The following DSCAML1 variants were observed in gnomAD, a reference collection of about 807,000 sequenced individuals.
DSCAML1 encodes the protein cell adhesion molecule DSCAML1.
In DSCAML1, 38 loss-of-function variants were observed where a neutral mutation model predicts 200.5. The ratio of observed to expected loss-of-function variants is 0.19; its 90% CI spans 0.15 to 0.25. The LOEUF (loss-of-function observed/expected upper bound fraction) is 0.25. Ranked by LOEUF, DSCAML1 falls within the 10% of genes least tolerant of loss-of-function variation. DSCAML1 has a pLI of 1.00. For synonymous variants in DSCAML1, 1,215 were observed against 1,165.0 expected (o/e 1.04, Z -0.87); for missense variants, 2,223 against 2,858.8 (o/e 0.78, Z 5.07).
At chr11:117,620,007 A>G (rs567427423) in intron 3 of DSCAML1, among the ~76,000 whole-genome samples, 12 of 152,270 alleles carry the variant, frequency 7.9e-5, no homozygotes, top group African/African-American at 2.6e-4. Flanking sequence ...GAGAAAAATT[A>G]GCTAATTTAA....
In DSCAML1 at chr11:117,588,865, C is replaced by T. The variant is rs376576721; in HGVS notation, c.512-56343G>A. Reference sequence around the variant, plus strand: ...TGCCTTCCTGCCCTTTTCTCTTCCTCTTCTTCCCCTTTCCCTTTCCCTCTG... The same window carrying T: ...TGCCTTCCTGCCCTTTTCTCTTCCTTTTCTTCCCCTTTCCCTTTCCCTCTG... On this transcript the variant is annotated intron_variant, in intron 3 of 32. Coordinates refer to ENST00000651296, the MANE Select transcript of DSCAML1 (RefSeq NM_020693.4). 1.4e-4 allele frequency among the ~76,000 whole-genome samples: 22 copies of T among 152,330 alleles called. No homozygotes were observed. The East Asian group carries it at 3.1e-3, about 21-fold the overall frequency.
At chr11:117,629,578 G>T (rs187281952) in intron 3 of DSCAML1, among the ~76,000 whole-genome samples, 10 of 150,234 alleles carry the variant, frequency 6.7e-5, no homozygotes, top group Non-Finnish European at 1.5e-4. Context: ...AACAGAAACT[G>T]CAAGTGGCAG....
chr11:117,535,219 A>G (rs947364255), intron 3 of DSCAML1, among the ~76,000 whole-genome samples: 1 of 152,210 alleles, frequency 6.6e-6, no homozygotes, highest in African/African-American at 2.4e-5. Flanking sequence ...CTCTCCTTGC[A>G]GTCAACTAAA....
chr11:117,605,004 G>A (rs1482857025), intron 3 of DSCAML1, among the ~76,000 whole-genome samples: 1 of 152,132 alleles, frequency 6.6e-6, no homozygotes, highest in Non-Finnish European at 1.5e-5. Context: ...GCCCATGGCA[G>A]CCAAAGAATA....
chr11:117,594,123 A>G (rs150148672), intron 3 of DSCAML1, among the ~76,000 whole-genome samples: 131 of 152,304 alleles, frequency 8.6e-4, no homozygotes, highest in African/African-American at 2.7e-3. Context: ...AAGGACAGAA[A>G]AAGGAAAGAG....
chr11:117,540,444 G>A (rs2050246505), intron 3 of DSCAML1, among the ~76,000 whole-genome samples: 1 of 152,164 alleles, frequency 6.6e-6, no homozygotes. Context: ...AAACCAGTGG[G>A]GGACTGCTGG....
intron 6 of DSCAML1, among the ~76,000 whole-genome samples, chr11:117,520,373 G>C (rs561599792): frequency 6.6e-6 from 1 of 152,330 alleles, no homozygotes; most frequent in South Asian, 2.1e-4. Flanking sequence ...ATGCTGGTGA[G>C]ACACAGAGCC....
intron 3 of DSCAML1, among the ~76,000 whole-genome samples, chr11:117,643,510 G>A (rs1801469536): frequency 2.0e-5 from 3 of 152,154 alleles, no homozygotes. Flanking sequence ...TTTTCTGGAG[G>A]GTGAGAGATT....
rs192396867 is a variant in DSCAML1 at position 117,570,942 on chromosome 11, C to T, written c.512-38420G>A. Among the ~76,000 whole-genome samples the T allele has an allele frequency of 5.3e-5, 8 of 152,358 alleles. No individual in the cohort carries two copies. In the East Asian group the frequency reaches 5.8e-4, roughly 11 times the overall value. ...CCAGCTCTCTGCCAGCCTGGCCCCA[C>T]GCCAGCTACAAGGCCAGCTTCCCAC... On this transcript the variant is annotated intron_variant, in intron 3 of 32. Transcript: ENST00000651296.
intron 3 of DSCAML1, among the ~76,000 whole-genome samples, chr11:117,747,160 C>G (rs190830217): frequency 1.0e-3 from 156 of 152,348 alleles, no homozygotes; most frequent in African/African-American, 3.6e-3. Flanking sequence ...ACCACCCCAG[C>G]CTTTATTGCT....
intron 3 of DSCAML1, among the ~76,000 whole-genome samples, chr11:117,557,281 CACTT>C (rs758162684): frequency 4.6e-5 from 7 of 152,132 alleles, no homozygotes; most frequent in Non-Finnish European, 7.4e-5. Context: ...AGGCTGAAAA[CACTT>C]AATACCAGTC....
intron 3 of DSCAML1, among the ~76,000 whole-genome samples, chr11:117,750,832 T>TCGAGCC (rs2054593817): frequency 6.6e-6 from 1 of 152,122 alleles, no homozygotes; most frequent in Admixed American, 6.5e-5. Context: ...ACCAGGACCA[T>TCGAGCC]CCAGCCCCAG....
intron 3 of DSCAML1, among the ~76,000 whole-genome samples, chr11:117,702,771 T>A (rs1487484032): frequency 1.3e-5 from 2 of 152,216 alleles, no homozygotes; most frequent in Admixed American, 1.3e-4. Flanking sequence ...TTAGCTTCAT[T>A]TCCAACTGTT....
At chr11:117,751,298 G>A (rs1355895252) in intron 3 of DSCAML1, among the ~76,000 whole-genome samples, 1 of 151,596 alleles carries the variant, frequency 6.6e-6, no homozygotes, top group Non-Finnish European at 1.5e-5. Flanking sequence ...ACCTTCTGCT[G>A]CATATGCTCC....
chr11:117,463,185 GGAATCAGAGATTTT>G lies in DSCAML1; in HGVS notation c.3266-1603_3266-1590del, dbSNP rs545684065. Among the ~76,000 whole-genome samples the G allele has an allele frequency of 2.7e-3, 412 of 152,278 alleles. No individual in the cohort carries two copies. Among genetic ancestry groups the G allele is most frequent in the Non-Finnish European group, 4.5e-3 (309 of 68,022 alleles). ...CACAAGGTGAAGCAGGAAGGCTATG[GGAATCAGAGATTTT>G]GATCCAGACTCTGTTGTTTTCTGGA... On this transcript the variant is annotated intron_variant, in intron 17 of 32. Transcript: ENST00000651296. The surrounding 1 kb of genome is among the most constrained non-coding windows in gnomAD (Gnocchi z 4.0).
chr11:117,592,346 C>T (rs1037524631), intron 3 of DSCAML1, among the ~76,000 whole-genome samples: 1 of 152,162 alleles, frequency 6.6e-6, no homozygotes, highest in East Asian at 1.9e-4. Flanking sequence ...TCCCATTGAG[C>T]TCACACTGTC....
At chr11:117,571,672 C>G (rs973549378) in intron 3 of DSCAML1, among the ~76,000 whole-genome samples, 2 of 151,776 alleles carry the variant, frequency 1.3e-5, no homozygotes, top group Admixed American at 6.6e-5. Context: ...CGTCCTCCCC[C>G]CACCTACAGG....
chr11:117,433,578 C>T, intron 27 of DSCAML1, 107 bp from the exon 28 acceptor site: 7 of 1,233,756 alleles, frequency 5.7e-6, no homozygotes, highest in Non-Finnish European at 7.9e-6. Flanking sequence ...AAAATGGGGC[C>T]AGGGCTGGTC....
At chr11:117,733,803 T>A (rs1390009949) in intron 3 of DSCAML1, among the ~76,000 whole-genome samples, 1 of 149,498 alleles carries the variant, frequency 6.7e-6, no homozygotes, top group Non-Finnish European at 1.5e-5. Context: ...TTTGGGGGAC[T>A]GTCTGGAGAA....
Sources: gnomAD v4.1 joint callset for allele counts (sites outside exome capture counted in the v4.1 genomes callset) on GRCh38, gnomAD v4.1.1 for gene constraint, Gnocchi (gnomAD v3.1) non-coding constraint, MANE v1.5 for transcripts, NCBI Gene and HGNC (gene_info 2026-07-23, HGNC 2026-07-21) for gene names.